The following SELENOO variants were observed in gnomAD, a reference collection of about 807,000 sequenced individuals.
The protein encoded by SELENOO is selenoprotein O, also known as protein adenylyltransferase SelO, mitochondrial.
Under a neutral mutation model 58.7 loss-of-function variants are expected in SELENOO, and 74 were observed. The ratio of observed to expected loss-of-function variants is 1.26; its 90% confidence interval spans 1.04 to 1.53. The LOEUF (loss-of-function observed/expected upper bound fraction) is 1.53. SELENOO is among the 40% of genes most tolerant of loss of function. The pLI, the probability that SELENOO is intolerant of heterozygous loss-of-function variation, is 0.00. For synonymous variants in SELENOO, 543 were observed against 453.2 expected (o/e 1.20, Z -2.52); for missense variants, 1,149 against 970.0 (o/e 1.18, Z -2.45).
chr22:50,214,394 C>T (rs1440764633), intron 5 of SELENOO, among the ~76,000 whole-genome samples: 1 of 152,156 alleles, frequency 6.6e-6, no homozygotes, highest in African/African-American at 2.4e-5. Flanking sequence ...CCGAGGCAGG[C>T]AGATCACCTG....
intron 6 of SELENOO, 129 bp downstream of exon 6, chr22:50,215,996 A>C: frequency 4.0e-6 from 3 of 755,614 alleles, no homozygotes. Context: ...TCCCAGGGAC[A>C]GATTCAGTCA....
rs1451697606 is a variant in SELENOO at position 50,201,585 on chromosome 22, C to T, written c.549C>T (p.Phe183=). 2 of 1,308,570 alleles carry T rather than the reference C, an allele frequency of 1.5e-6. No homozygotes were observed. The highest frequency in any genetic ancestry group is 3.2e-5 in the East Asian group (1 of 30,852). The allele number at this position is 1,308,570 out of a possible 1,614,324, so 81.1% of individuals were successfully genotyped here. ...TCAAGGGCGCCGGGCCCACGCCCTTCTCCAGGTGGGCCGGGGCGGGCGAGG... is the reference window on the plus strand; with the variant it reads ...TCAAGGGCGCCGGGCCCACGCCCTTTTCCAGGTGGGCCGGGGCGGGCGAGG... ...LQLKGAGPTP[F]SRQADGRKVL... is the part of the protein sequence containing the mutation. Residue 183 remains phenylalanine (F), a synonymous_variant, in exon 1 of 9, where the codon TTC becomes TTT. Transcript: ENST00000380903.
rs79745608 is a variant in SELENOO at position 50,216,968 on chromosome 22, C to T, written c.1689-4C>T. 3.2e-4 allele frequency: 511 copies of T among 1,607,540 alleles called. 1 individual carries two copies. In the African/African-American group the frequency reaches 6.1e-3, roughly 19 times the overall value. The stretch of plus-strand genomic sequence containing the variant: ...GTGACTCCAGAGCCCGGATGTCATT[C>T]CAGAGCCCGGCTGGACAAGGACCTG... On this transcript the variant is annotated splice_polypyrimidine_tract_variant and splice_region_variant and intron_variant, in intron 7 of 8. Transcript: ENST00000380903.
intron 6 of SELENOO, among the ~76,000 whole-genome samples, 193 bp from the exon 7 acceptor site, chr22:50,216,498 C>T (rs1394421136): frequency 3.3e-5 from 5 of 152,244 alleles, no homozygotes; most frequent in Non-Finnish European, 7.3e-5. Context: ...CTTGGCCGAG[C>T]ATGGGCATGC....
At chr22:50,214,207 C>T (rs557489824) in intron 5 of SELENOO, among the ~76,000 whole-genome samples, 1 of 152,296 alleles carries the variant, frequency 6.6e-6, no homozygotes, top group East Asian at 1.9e-4. Flanking sequence ...AGTGGCACAG[C>T]TGCGGCTCAC....
chr22:50,215,476 T>C (rs1352555387), intron 5 of SELENOO, among the ~76,000 whole-genome samples: 3 of 142,756 alleles, frequency 2.1e-5, no homozygotes, highest in Admixed American at 2.1e-4. Context: ...GCGTGCCAGG[T>C]GTGGGTCCGT....
intron 3 of SELENOO, chr22:50,209,655 TG>T: frequency 6.5e-6 from 1 of 153,136 alleles, no homozygotes; most frequent in Admixed American, 6.5e-5. Context: ...AGGAGAGAGG[TG>T]GTGTCAGGCC....
intron 2 of SELENOO, among the ~76,000 whole-genome samples, chr22:50,207,057 TC>T (rs1232122120): frequency 1.3e-5 from 2 of 152,264 alleles, no homozygotes; most frequent in East Asian, 3.9e-4. Flanking sequence ...GATCTGATGG[TC>T]CAGTTGCTCG....
intron 8 of SELENOO, 21 bp from the exon 9 acceptor site, chr22:50,217,184 C>T (rs1022919566): frequency 1.2e-6 from 2 of 1,611,666 alleles, no homozygotes; most frequent in Non-Finnish European, 1.7e-6. Flanking sequence ...CCAGACCCCT[C>T]TCACCCTCCT....
rs768111760 is a variant in SELENOO, at chr22:50,216,870, C to A, written c.1682C>A (p.Ala561Glu). ...NQGHWADWLQAYRARLDKDLE... is the reference protein window; with the variant it reads ...NQGHWADWLQEYRARLDKDLE... ...GGCCACTGGGCTGACTGGCTACAGG[C>A]GTACAGGTGAGCCCTGCGTCCATGG... Residue 561 changes from alanine (A) to glutamate (E), a missense_variant, in exon 7 of 9, where the codon GCG (alanine) becomes GAG (glutamate). Physicochemically the swap from Ala to Glu is moderately radical, Grantham distance 107 (BLOSUM62 -1). Transcript: ENST00000380903. 1.9e-6 allele frequency: 3 copies of A among 1,607,148 alleles called. No individual in the cohort carries two copies. Among genetic ancestry groups the A allele is most frequent in the Non-Finnish European group, 1.7e-6 (2 of 1,179,826 alleles).
In SELENOO at chr22:50,208,589, G is replaced by T; in HGVS notation, c.812G>T (p.Gly271Val). Residue 271 changes from glycine to valine, a missense_variant, in exon 3 of 9, where the codon GGC becomes GTC. Transcript: ENST00000380903. ...GCAGATGAGCACACAGGGCGTGCAGGCCCCAGCGTGGGGAGGAACGACATT... is the reference window on the plus strand; with the variant it reads ...GCAGATGAGCACACAGGGCGTGCAGTCCCCAGCGTGGGGAGGAACGACATT... Reference protein sequence around the residue: ...KSADEHTGRAGPSVGRNDIRV... With the variant: ...KSADEHTGRAVPSVGRNDIRV... 3 of 1,613,932 alleles carry T rather than the reference G, an allele frequency of 1.9e-6. No homozygotes were observed. Among genetic ancestry groups the T allele is most frequent in the Non-Finnish European group, 2.5e-6 (3 of 1,179,992 alleles).
At chr22:50,211,479 G>A (rs143112707) in intron 5 of SELENOO, among the ~76,000 whole-genome samples, 11 of 152,264 alleles carry the variant, frequency 7.2e-5, no homozygotes, top group Admixed American at 2.6e-4. Flanking sequence ...CCTGACCTTC[G>A]GGGAAAAGTG....
intron 1 of SELENOO, among the ~76,000 whole-genome samples, chr22:50,203,616 T>C (rs756550895): frequency 6.6e-6 from 1 of 152,228 alleles, no homozygotes; most frequent in Middle Eastern, 3.2e-3. Flanking sequence ...GACCATTCAA[T>C]GGAGAAAGAC....
Position 50,206,924 on chromosome 22 carries a change from G to C in SELENOO, c.758+404G>C, listed in dbSNP as rs41283483. ...GAGGGGGTCCCTGAGCCTGAGGCTG[G>C]GGACAGTGTCCAGAGCTGTTTGCTG... On this transcript the variant is annotated intron_variant, in intron 2 of 8. Transcript: ENST00000380903. 3.4e-3 allele frequency among the ~76,000 whole-genome samples: 522 copies of C among 152,258 alleles called. 2 individuals are homozygous for C. Among genetic ancestry groups the C allele is most frequent in the Non-Finnish European group, 5.6e-3 (378 of 68,006 alleles).
intron 1 of SELENOO, among the ~76,000 whole-genome samples, chr22:50,203,669 A>G (rs1303954664): frequency 6.6e-6 from 1 of 152,238 alleles, no homozygotes; most frequent in African/African-American, 2.4e-5. Flanking sequence ...CTCATGCAAA[A>G]GAATGAAGCT....
At chr22:50,210,396 G>C in intron 4 of SELENOO, 85 bp downstream of exon 4, 3 of 1,525,760 alleles carry the variant, frequency 2.0e-6, no homozygotes, top group Non-Finnish European at 2.7e-6. Flanking sequence ...CCAGGCACTG[G>C]CCCGTGATGC....
chr22:50,201,168 G>C lies in SELENOO; in HGVS notation c.132G>C (p.Trp44Cys). 4.0e-6 allele frequency: 5 copies of C among 1,244,180 alleles called. No individual in the cohort carries two copies. The highest frequency in any genetic ancestry group is 5.0e-6 in the Non-Finnish European group (5 of 993,666). The allele number at this position is 1,244,180 out of a possible 1,614,324, so 77.1% of individuals were successfully genotyped here. Residue 44 changes from tryptophan to cysteine, a missense_variant, in exon 1 of 9, where the codon TGG becomes TGC. By Grantham distance (215) the Trp-to-Cys change is radical. Coordinates refer to ENST00000380903, the MANE Select transcript of SELENOO (RefSeq NM_031454.2). Reference sequence around the variant, plus strand: ...CCGCCATGGAGCCCGCGCCTCGCTGGCTGGCGGGGCTGCGCTTCGACAACC... The same window carrying C: ...CCGCCATGGAGCCCGCGCCTCGCTGCCTGGCGGGGCTGCGCTTCGACAACC... ...SGAAMEPAPR[W>C]LAGLRFDNRA...
intron 5 of SELENOO, among the ~76,000 whole-genome samples, chr22:50,211,304 G>A (rs948737202): frequency 6.6e-6 from 1 of 152,184 alleles, no homozygotes; most frequent in Non-Finnish European, 1.5e-5. Flanking sequence ...GTTGTGTGCC[G>A]TGCTGCCATG....
In SELENOO at chr22:50,210,225, G is replaced by A; in HGVS notation, c.984G>A (p.Val328=). Residue 328 remains valine, a synonymous_variant, in exon 4 of 9, where the codon GTG becomes GTA. Transcript: ENST00000380903. ...GGATGGTGGCCGAGTGGCAGTGTGT[G>A]GGCTTCTGCCACGGCGTGCTCAACA... ...TARMVAEWQC[V]GFCHGVLNTD... is the part of the protein sequence containing the mutation. 1 of 1,613,422 alleles carries A rather than the reference G, an allele frequency of 6.2e-7. No individual in the cohort carries two copies. The highest frequency in any genetic ancestry group is 8.5e-7 in the Non-Finnish European group (1 of 1,179,962).
Sources: gnomAD v4.1 joint callset for allele counts (sites outside exome capture counted in the v4.1 genomes callset) on GRCh38, gnomAD v4.1.1 for gene constraint, MANE v1.5 for transcripts, NCBI Gene and HGNC (gene_info 2026-07-23, HGNC 2026-07-21) for gene names.